PRKAR1A: variants seen among roughly 807,000 people sequenced by gnomAD.
PRKAR1A encodes the protein cAMP-dependent protein kinase type I-alpha regulatory subunit.
PRKAR1A carries 3 observed loss-of-function variants against 52.0 expected under a neutral mutation model. That is an observed-to-expected ratio of 0.06 (90% CI 0.03 to 0.15). The LOEUF (loss-of-function observed/expected upper bound fraction) is 0.15. Ranked by LOEUF, PRKAR1A falls within the 10% of genes least tolerant of loss-of-function variation. The pLI is 1.00. For synonymous variants in PRKAR1A, 188 were observed against 168.4 expected, an observed-to-expected ratio of 1.12 and a Z score of -0.90; for missense variants, 240 against 477.4, an observed-to-expected ratio of 0.50 and a Z score of 4.63.
At chr17:68,468,875 G>A in the PRKAR1A span, among the ~76,000 whole-genome samples, 7 of 152,124 alleles carry the variant, frequency 4.6e-5, no homozygotes, top group Admixed American at 4.6e-4. Flanking sequence ...ATTTAAAGTG[G>A]CCCATTCCTA....
the PRKAR1A span, among the ~76,000 whole-genome samples, chr17:68,504,699 G>A: frequency 0.21 from 31,222 of 152,068 alleles, 3,603 homozygotes; most frequent in East Asian, 0.48. Flanking sequence ...GAAGTGTAGC[G>A]GTGGAGGGTG....
chr17:68,539,300 G>A, intron 11 of PRKAR1A: 1 of 1,610,332 alleles, frequency 6.2e-7, no homozygotes, highest in Non-Finnish European at 8.5e-7. Context: ...GGTCACAACT[G>A]TTACTTGCCC....
At chr17:68,548,389 G>A (rs1002364333) in intron 11 of PRKAR1A, among the ~76,000 whole-genome samples, 1 of 152,162 alleles carries the variant, frequency 6.6e-6, no homozygotes, top group African/African-American at 2.4e-5. Flanking sequence ...AATTAGCCAG[G>A]TGTGGTGGGC....
At chr17:68,462,258 G>A in the PRKAR1A span, among the ~76,000 whole-genome samples, 2 of 152,182 alleles carry the variant, frequency 1.3e-5, no homozygotes, top group African/African-American at 2.4e-5. Flanking sequence ...CTCAATAAAT[G>A]CTTGCTGATT....
chr17:68,533,842 C>T (rs532477523), downstream of PRKAR1A, among the ~76,000 whole-genome samples: 48 of 152,172 alleles, frequency 3.2e-4, no homozygotes, highest in Non-Finnish European at 6.0e-4. Flanking sequence ...ATTCTTGTAC[C>T]TCAGCCTCTG....
the PRKAR1A span, among the ~76,000 whole-genome samples, chr17:68,472,402 G>A: frequency 3.9e-5 from 6 of 152,132 alleles, no homozygotes; most frequent in Admixed American, 1.3e-4. Flanking sequence ...TGCTCCGGGC[G>A]TGTGAGTCTT....
In PRKAR1A at chr17:68,531,872, A is replaced by G; in HGVS notation, c.*1423A>G. 1 of 1,043,182 alleles carries G rather than the reference A, an allele frequency of 9.6e-7. No individual in the cohort carries two copies. Among genetic ancestry groups the G allele is most frequent in the Non-Finnish European group, 1.2e-6 (1 of 859,012 alleles). 64.6% of individuals were successfully genotyped at this position (1,043,182 alleles called of 1,614,324 possible). ...CTGTAATGTAGGCACTTTTATTTTC[A>G]TTGTGATTTATATATAAGGTAATGT... On this transcript the variant is annotated 3_prime_UTR_variant, in exon 11 of 11. Transcript: ENST00000589228.
chr17:68,429,907 TTTC>T, the PRKAR1A span: 1 of 1,585,808 alleles, frequency 6.3e-7, no homozygotes, highest in Non-Finnish European at 8.6e-7. Flanking sequence ...GTTTTCTTTT[TTTC>T]TTTTCAGGTT....
chr17:68,521,444 G>A (rs190666550), intron 2 of PRKAR1A, among the ~76,000 whole-genome samples: 140 of 152,184 alleles, frequency 9.2e-4, no homozygotes, highest in African/African-American at 3.0e-3. Context: ...TTGCCTAGGC[G>A]GGTCTCGAAC....
chr17:68,539,116 C>T (rs1332323103), intron 11 of PRKAR1A, among the ~76,000 whole-genome samples: 2 of 152,110 alleles, frequency 1.3e-5, no homozygotes, highest in Non-Finnish European at 2.9e-5. Context: ...AGTAAAAATA[C>T]CATATTATTA....
chr17:68,515,602 G>A, intron 2 of PRKAR1A, 26 bp downstream of exon 2: 4 of 1,603,516 alleles, frequency 2.5e-6, no homozygotes, highest in Non-Finnish European at 3.4e-6. Context: ...GGGAGATGAT[G>A]AGGTGATTGT....
the PRKAR1A span, among the ~76,000 whole-genome samples, chr17:68,424,291 G>A: frequency 5.3e-5 from 8 of 152,218 alleles, no homozygotes; most frequent in African/African-American, 1.2e-4. Context: ...CTCACGCTGC[G>A]ACCGACCCGC....
At chr17:68,475,286 C>T in the PRKAR1A span, among the ~76,000 whole-genome samples, 1 of 152,084 alleles carries the variant, frequency 6.6e-6, no homozygotes, top group Non-Finnish European at 1.5e-5. Flanking sequence ...ACACCTGTGC[C>T]CTTGTTTCTA....
chr17:68,419,264 T>C, the PRKAR1A span, among the ~76,000 whole-genome samples: 1 of 152,172 alleles, frequency 6.6e-6, no homozygotes, highest in Admixed American at 6.5e-5. Context: ...AAAGATACTT[T>C]AAAAAATTAT....
At chr17:68,483,115 G>C in the PRKAR1A span, among the ~76,000 whole-genome samples, 2 of 138,244 alleles carry the variant, frequency 1.4e-5, no homozygotes, top group Non-Finnish European at 3.2e-5. Flanking sequence ...CCATGATCTA[G>C]TTTGAGTTTT....
intron 11 of PRKAR1A, among the ~76,000 whole-genome samples, chr17:68,545,425 G>A (rs556405200): frequency 9.8e-5 from 15 of 152,296 alleles, no homozygotes; most frequent in Middle Eastern, 3.4e-3. Flanking sequence ...TAAAAGTTAC[G>A]TTTCATTATA....
At chr17:68,546,829 C>CAAA (rs35112614) in intron 11 of PRKAR1A, among the ~76,000 whole-genome samples, 1 of 84,000 alleles carries the variant, frequency 1.2e-5, no homozygotes. Context: ...GACTACGGCT[C>CAAA]AAAAAAAAAA....
the PRKAR1A span, among the ~76,000 whole-genome samples, chr17:68,491,070 A>C: frequency 6.8e-6 from 1 of 146,894 alleles, no homozygotes; most frequent in Non-Finnish European, 1.5e-5. Flanking sequence ...GCATTTTAGC[A>C]AAAAAATGAT....
downstream of PRKAR1A, chr17:68,537,631 G>A (rs182816928): frequency 1.1e-4 from 181 of 1,613,792 alleles, no homozygotes; most frequent in East Asian, 3.6e-3. This position sits in a 1 kb window ranked among gnomAD's most constrained non-coding sequence, Gnocchi z 4.2. Context: ...GTGGGGTTCA[G>A]TGAGGACAGG....
Sources: allele counts gnomAD v4.1 joint callset (sites outside exome capture counted in the v4.1 genomes callset), GRCh38; gene constraint gnomAD v4.1.1; non-coding constraint Gnocchi (gnomAD v3.1); transcripts MANE v1.5; gene names NCBI Gene and HGNC (gene_info 2026-07-23, HGNC 2026-07-21).